The following AKAP13 variants were observed in gnomAD, a reference collection of about 807,000 sequenced individuals.
The protein encoded by AKAP13 is A-kinase anchor protein 13.
A neutral mutation model predicts 264.5 loss-of-function variants in AKAP13; 80 were observed. The ratio of observed to expected loss-of-function variants is 0.30; its 90% confidence interval spans 0.25 to 0.36. The LOEUF (loss-of-function observed/expected upper bound fraction) is 0.36, where lower values mean the gene tolerates loss of function less well. Ranked by LOEUF, AKAP13 falls within the 10% of genes least tolerant of loss-of-function variation. The pLI is 1.00. For synonymous variants in AKAP13, 1,380 were observed against 1,250.2 expected (o/e 1.10, Z -2.19); for missense variants, 3,712 against 3,435.2 (o/e 1.08, Z -2.01).
intron 5 of AKAP13, among the ~76,000 whole-genome samples, chr15:85,567,036 T>G (rs1291385802): frequency 1.3e-5 from 2 of 152,208 alleles, no homozygotes; most frequent in Non-Finnish European, 2.9e-5. Context: ...TGCATAGTAA[T>G]GTAGATACTG....
intron 1 of AKAP13, among the ~76,000 whole-genome samples, chr15:85,456,429 C>T (rs1044280697): frequency 2.6e-5 from 4 of 152,052 alleles, no homozygotes; most frequent in Admixed American, 6.5e-5. Flanking sequence ...ACCCACTGCT[C>T]TCACTTTTCT....
intron 5 of AKAP13, among the ~76,000 whole-genome samples, chr15:85,573,893 G>T (rs558015285): frequency 6.6e-6 from 1 of 152,224 alleles, no homozygotes; most frequent in Non-Finnish European, 1.5e-5. Context: ...GGCAGTATCC[G>T]TGTGTGATTT....
At chr15:85,493,119 G>A (rs942026912) in intron 2 of AKAP13, among the ~76,000 whole-genome samples, 1 of 152,316 alleles carries the variant, frequency 6.6e-6, no homozygotes, top group Non-Finnish European at 1.5e-5. Flanking sequence ...CTCATTTTGA[G>A]TGATAAATTG....
intron 8 of AKAP13, among the ~76,000 whole-genome samples, chr15:85,590,063 A>G (rs1035649249): frequency 1.3e-5 from 2 of 152,144 alleles, no homozygotes; most frequent in Admixed American, 6.5e-5. Context: ...GAGGAGTGGC[A>G]TTTGTGTAAT....
chr15:85,507,868 G>A (rs2076286220), intron 2 of AKAP13, among the ~76,000 whole-genome samples: 1 of 152,242 alleles, frequency 6.6e-6, no homozygotes, highest in Non-Finnish European at 1.5e-5. Context: ...GCACAGGTGG[G>A]CACCTGCTGG....
At chr15:85,740,378 A>C (rs903019017) in intron 34 of AKAP13, 106 bp downstream of exon 34, 53 of 1,309,272 alleles carry the variant, frequency 4.0e-5, no homozygotes, top group Non-Finnish European at 5.8e-5. Flanking sequence ...TTAATGGATA[A>C]ATGGGGCCCT....
At chr15:85,562,732 G>A (rs1431475454) in intron 5 of AKAP13, among the ~76,000 whole-genome samples, 2 of 80,076 alleles carry the variant, frequency 2.5e-5, no homozygotes, top group Admixed American at 3.3e-4. Flanking sequence ...TTTCCCTCTT[G>A]TTGCCCACGC....
chr15:85,731,701 T>C (rs907482620), intron 30 of AKAP13, among the ~76,000 whole-genome samples: 1 of 152,224 alleles, frequency 6.6e-6, no homozygotes, highest in Non-Finnish European at 1.5e-5. Context: ...TGATTATTTT[T>C]CCCCTCCATT....
At chr15:85,538,069 A>G (rs1410622919) in intron 4 of AKAP13, among the ~76,000 whole-genome samples, 1 of 152,084 alleles carries the variant, frequency 6.6e-6, no homozygotes, top group East Asian at 1.9e-4. Flanking sequence ...GAGTTTTCCA[A>G]GTCTCACTTA....
In AKAP13 at chr15:85,622,470, C is replaced by T. The variant is rs573460997; in HGVS notation, c.4162-16904C>T. 3.3e-5 allele frequency among the ~76,000 whole-genome samples: 5 copies of T among 152,184 alleles called. No homozygotes were observed. The South Asian group carries it at 1.0e-3, about 32-fold the overall frequency. ...AAGTGGGGTAGCAGGATGAGAAGGC[C>T]GGAGCCAGAGGTGGGACCTGGAAGA... On this transcript the variant is annotated intron_variant, in intron 8 of 36. Coordinates refer to ENST00000394518, the MANE Select transcript of AKAP13 (RefSeq NM_007200.5).
At chr15:85,637,884 GT>G (rs34885165) in intron 8 of AKAP13, among the ~76,000 whole-genome samples, 58,436 of 122,216 alleles carry the variant, frequency 0.48, 13,427 homozygotes, top group Admixed American at 0.53. Context: ...TTATTTAGAA[GT>G]TTTTTTTTTT....
chr15:85,406,958 G>T (rs986922750), intron 1 of AKAP13, among the ~76,000 whole-genome samples: 4 of 151,722 alleles, frequency 2.6e-5, no homozygotes, highest in African/African-American at 9.8e-5. Context: ...GCCACAAAGA[G>T]TATGTCTCTG....
intron 4 of AKAP13, among the ~76,000 whole-genome samples, chr15:85,539,596 A>G (rs2077517086): frequency 6.6e-6 from 1 of 152,216 alleles, no homozygotes; most frequent in African/African-American, 2.4e-5. Context: ...GACCATTTAT[A>G]AAAGATACAA....
chr15:85,515,105 G>A lies in AKAP13; in HGVS notation c.34-6323G>A, dbSNP rs970204473. On this transcript the variant is annotated intron_variant, in intron 2 of 36. Coordinates refer to ENST00000394518, the MANE Select transcript of AKAP13 (RefSeq NM_007200.5). The stretch of plus-strand genomic sequence containing the variant: ...ACAAGAATGTCTTTACATAAAATAT[G>A]TGACTGCAAGATATAAAAAATAAAC... 1.4e-4 allele frequency among the ~76,000 whole-genome samples: 19 copies of A among 137,920 alleles called. 3 individuals are homozygous for A. The highest frequency in any genetic ancestry group is 8.1e-4 in the East Asian group (4 of 4,928). The allele number at this position is 137,920 out of a possible 152,430, so 90.5% of individuals were successfully genotyped here.
At chr15:85,479,252 C>T (rs2075279010) in intron 1 of AKAP13, among the ~76,000 whole-genome samples, 1 of 152,196 alleles carries the variant, frequency 6.6e-6, no homozygotes, top group Admixed American at 6.5e-5. Flanking sequence ...TTTTTATAGC[C>T]ACCAGCCCAG....
intron 8 of AKAP13, among the ~76,000 whole-genome samples, chr15:85,612,756 G>A (rs534498755): frequency 7.3e-5 from 11 of 150,826 alleles, no homozygotes; most frequent in East Asian, 2.0e-4. Context: ...CCTGGGAGGC[G>A]AAGGTTGTGG....
At chr15:85,391,904 C>A (rs1465247674) in intron 1 of AKAP13, among the ~76,000 whole-genome samples, 1 of 152,014 alleles carries the variant, frequency 6.6e-6, no homozygotes, top group Non-Finnish European at 1.5e-5. Context: ...CCTGCCTCAG[C>A]CTCCCGAGTA....
At chr15:85,620,561 T>C (rs2081137866) in intron 8 of AKAP13, among the ~76,000 whole-genome samples, 1 of 152,054 alleles carries the variant, frequency 6.6e-6, no homozygotes, top group East Asian at 1.9e-4. Context: ...TCTGTCAGTC[T>C]CTCTGCCTCT....
intron 2 of AKAP13, among the ~76,000 whole-genome samples, chr15:85,516,854 T>C (rs569736399): frequency 1.3e-5 from 2 of 152,322 alleles, no homozygotes; most frequent in South Asian, 4.1e-4. Context: ...CAGGACACCA[T>C]TATGTGGAAT....
Sources: allele counts gnomAD v4.1 joint callset (sites outside exome capture counted in the v4.1 genomes callset), GRCh38; gene constraint gnomAD v4.1.1; transcripts MANE v1.5; gene names NCBI Gene and HGNC (gene_info 2026-07-23, HGNC 2026-07-21).